GRIA4: variants seen among roughly 807,000 people sequenced by gnomAD.
GRIA4 encodes glutamate receptor 4.
A neutral mutation model predicts 104.0 loss-of-function variants in GRIA4; 34 were observed. That is an observed-to-expected ratio of 0.33 (90% CI 0.25 to 0.44). The LOEUF is 0.44. GRIA4 is among the 20% of genes least tolerant of loss of function. GRIA4 has a pLI of 1.00. For synonymous variants in GRIA4, 386 were observed against 381.9 expected (o/e 1.01, Z -0.13); for missense variants, 750 against 1,096.5 (o/e 0.68, Z 4.46).
In GRIA4 at chr11:105,833,198, G is replaced by C. The variant is rs145735562; in HGVS notation, c.488-28826G>C. On this transcript the variant is annotated intron_variant, in intron 4 of 16. Transcript: ENST00000282499. Reference sequence around the variant, plus strand: ...TCTTTACTGGATGCTTATTAGGTGTGAGAAACCATATAAGTTTCTTGGGTT... The same window carrying C: ...TCTTTACTGGATGCTTATTAGGTGTCAGAAACCATATAAGTTTCTTGGGTT... Among the ~76,000 whole-genome samples the C allele has an allele frequency of 2.4e-4, 37 of 152,016 alleles. 1 individual carries two copies. The highest frequency in any genetic ancestry group is 1.2e-3 in the Admixed American group (18 of 15,240).
intron 10 of GRIA4, among the ~76,000 whole-genome samples, chr11:105,915,949 C>T (rs143676406): frequency 7.0e-4 from 106 of 152,146 alleles, no homozygotes; most frequent in South Asian, 1.5e-3. Context: ...TTTTGGAGGC[C>T]GAAGCAAGTG....
rs1466834441 is a variant in GRIA4, at chr11:105,968,626, A to C, written c.2295-3288A>C. Among the ~76,000 whole-genome samples, 19 of 152,354 alleles carry C rather than the reference A, an allele frequency of 1.2e-4. No individual in the cohort carries two copies. The East Asian group carries it at 3.7e-3, about 29-fold the overall frequency. The stretch of plus-strand genomic sequence containing the variant: ...ACGAAATAAATTAAAGCAGAAATGC[A>C]TGACTTGTGGGGTACAAATTCCTTC... On this transcript the variant is annotated intron_variant, in intron 14 of 16. Coordinates refer to ENST00000282499, the MANE Select transcript of GRIA4 (RefSeq NM_000829.4).
intron 4 of GRIA4, among the ~76,000 whole-genome samples, chr11:105,815,840 T>A (rs535096900): frequency 6.6e-6 from 1 of 152,232 alleles, no homozygotes; most frequent in Non-Finnish European, 1.5e-5. Context: ...TACCTTCTTA[T>A]GAAATCTCAC....
At chr11:105,667,133 T>G (rs2135426148) in intron 3 of GRIA4, among the ~76,000 whole-genome samples, 1 of 152,068 alleles carries the variant, frequency 6.6e-6, no homozygotes, top group East Asian at 1.9e-4. Context: ...TCAGAAAAAT[T>G]TTTAATTAAG....
At chr11:105,914,597 CAG>C (rs1210271659) in intron 10 of GRIA4, among the ~76,000 whole-genome samples, 2 of 152,116 alleles carry the variant, frequency 1.3e-5, no homozygotes, top group Admixed American at 6.6e-5. Flanking sequence ...CAGCTTTAAA[CAG>C]AGAGTGATTT....
At position 105,969,941 on chromosome 11, in the gene GRIA4, A is replaced by C. The variant is rs547144446; in HGVS notation, c.2295-1973A>C. The stretch of plus-strand genomic sequence containing the variant: ...TCAAAGGATTTGCAGGTCACTAGCA[A>C]ACCCACAGTTGTGGTTATTGTAACA... On this transcript the variant is annotated intron_variant, in intron 14 of 16. Coordinates refer to ENST00000282499, the MANE Select transcript of GRIA4 (RefSeq NM_000829.4). Among the ~76,000 whole-genome samples, 7 of 152,286 alleles carry C rather than the reference A, an allele frequency of 4.6e-5. No homozygotes were observed. In the South Asian group the frequency reaches 1.4e-3, roughly 32 times the overall value.
chr11:105,641,191 A>G (rs865971250), intron 3 of GRIA4, among the ~76,000 whole-genome samples: 1 of 152,160 alleles, frequency 6.6e-6, no homozygotes, highest in Non-Finnish European at 1.5e-5. Context: ...GTGAGTAACT[A>G]GTAAGAATAA....
chr11:105,907,174 T>C (rs1273943376), intron 9 of GRIA4, among the ~76,000 whole-genome samples: 1 of 152,094 alleles, frequency 6.6e-6, no homozygotes, highest in Admixed American at 6.5e-5. Context: ...TATTGAACCA[T>C]GATGGTAACA....
rs114863215 is a variant in GRIA4, at chr11:105,690,636, G to A, written c.248-62345G>A. Among the ~76,000 whole-genome samples the A allele has an allele frequency of 8.3e-3, 1,267 of 152,240 alleles. 32 individuals are homozygous for A. The highest frequency in any genetic ancestry group is 0.029 in the African/African-American group (1,199 of 41,538). ...CTTTCTTAACAATATGCTTACATCC[G>A]TGATGAAGATGTTCAAATAACAGAA... On this transcript the variant is annotated intron_variant, in intron 3 of 16. Coordinates refer to ENST00000282499, the MANE Select transcript of GRIA4 (RefSeq NM_000829.4).
intron 3 of GRIA4, among the ~76,000 whole-genome samples, chr11:105,714,227 A>G (rs1954011983): frequency 6.7e-6 from 1 of 148,318 alleles, no homozygotes; most frequent in Non-Finnish European, 1.5e-5. Context: ...ATAAAAATTA[A>G]CCAGAAATAT....
At chr11:105,939,216 C>G (rs1948125413) in intron 14 of GRIA4, among the ~76,000 whole-genome samples, 2 of 152,260 alleles carry the variant, frequency 1.3e-5, no homozygotes, top group South Asian at 2.1e-4. Flanking sequence ...GTCGTTCATT[C>G]TTGAGATGCT....
intron 5 of GRIA4, among the ~76,000 whole-genome samples, chr11:105,879,804 A>G (rs376064189): frequency 2.6e-5 from 4 of 152,182 alleles, no homozygotes; most frequent in African/African-American, 9.6e-5. Context: ...AATATGATAG[A>G]CAATGTTATT....
At chr11:105,692,424 C>T (rs1306926277) in intron 3 of GRIA4, among the ~76,000 whole-genome samples, 1 of 152,164 alleles carries the variant, frequency 6.6e-6, no homozygotes, top group Admixed American at 6.5e-5. Flanking sequence ...ATCACTGGAA[C>T]ATATGCTATT....
At chr11:105,734,067 AAT>A (rs986133199) in intron 3 of GRIA4, among the ~76,000 whole-genome samples, 1 of 147,292 alleles carries the variant, frequency 6.8e-6, no homozygotes, top group African/African-American at 2.5e-5. Context: ...TATTATATAT[AAT>A]ATATATATTT....
intron 9 of GRIA4, among the ~76,000 whole-genome samples, chr11:105,906,040 C>A (rs1166810491): frequency 1.3e-5 from 2 of 151,910 alleles, no homozygotes; most frequent in Non-Finnish European, 2.9e-5. Flanking sequence ...TTCAGGGAAA[C>A]AGATATTCAA....
At chr11:105,932,399 T>A in intron 13 of GRIA4, among the ~76,000 whole-genome samples, 1 of 152,138 alleles carries the variant, frequency 6.6e-6, no homozygotes, top group Admixed American at 6.5e-5. Context: ...GATCAGGTGA[T>A]CCACCTGCCT....
intron 4 of GRIA4, among the ~76,000 whole-genome samples, chr11:105,770,890 T>G (rs1204303288): frequency 6.6e-6 from 1 of 152,058 alleles, no homozygotes; most frequent in African/African-American, 2.4e-5. Flanking sequence ...CATTCCCTCC[T>G]ATGTTCTTCC....
At chr11:105,849,643 T>G (rs1944725830) in intron 4 of GRIA4, among the ~76,000 whole-genome samples, 1 of 152,154 alleles carries the variant, frequency 6.6e-6, no homozygotes, top group African/African-American at 2.4e-5. Context: ...TGCAGAAGCC[T>G]CAGATAAGGA....
At chr11:105,677,212 A>T (rs1952567061) in intron 3 of GRIA4, among the ~76,000 whole-genome samples, 1 of 151,996 alleles carries the variant, frequency 6.6e-6, no homozygotes, top group African/African-American at 2.4e-5. Flanking sequence ...TAAGCTGTAA[A>T]CACTTAAAGA....
Sources: gnomAD v4.1 joint callset for allele counts (sites outside exome capture counted in the v4.1 genomes callset) on GRCh38, gnomAD v4.1.1 for gene constraint, MANE v1.5 for transcripts, NCBI Gene and HGNC (gene_info 2026-07-23, HGNC 2026-07-21) for gene names.